Variants in DOCK3 observed in about 807,000 individuals in gnomAD.
DOCK3 encodes dedicator of cytokinesis protein 3.
DOCK3 carries 60 observed loss-of-function variants against 265.6 expected under a neutral mutation model. The observed-to-expected ratio is 0.23, with a 90% CI of 0.18 to 0.28. The LOEUF (loss-of-function observed/expected upper bound fraction) is 0.28, where lower values mean the gene tolerates loss of function less well. Among genes scored for constraint, DOCK3 ranks in the 10% least tolerant of loss-of-function variants. The probability of loss-of-function intolerance (pLI) is 1.00; values close to 1 mark genes in which losing one functional copy is unlikely to be tolerated. For synonymous variants in DOCK3, 881 were observed against 938.0 expected (o/e 0.94, Z 1.11); for missense variants, 1,981 against 2,594.3 (o/e 0.76, Z 5.14).
At chr3:50,845,634 A>C (rs1205985591) in intron 3 of DOCK3, among the ~76,000 whole-genome samples, 1 of 152,218 alleles carries the variant, frequency 6.6e-6, no homozygotes, top group Non-Finnish European at 1.5e-5. Context: ...CTTTGGCAAC[A>C]GGGAATCTGT....
At chr3:51,129,739 T>TC (rs1324759237) in intron 9 of DOCK3, among the ~76,000 whole-genome samples, 10 of 152,274 alleles carry the variant, frequency 6.6e-5, no homozygotes, top group African/African-American at 2.4e-4. Context: ...CCCAAAGGCC[T>TC]CCGCTACGAT....
intron 24 of DOCK3, among the ~76,000 whole-genome samples, chr3:51,274,443 C>T (rs1240839439): frequency 6.6e-6 from 1 of 152,114 alleles, no homozygotes; most frequent in Non-Finnish European, 1.5e-5. Context: ...GGAATTTTCA[C>T]TGTAAACTGT....
chr3:51,118,702 C>T (rs1170922594), intron 9 of DOCK3, among the ~76,000 whole-genome samples: 1 of 152,118 alleles, frequency 6.6e-6, no homozygotes, highest in African/African-American at 2.4e-5. Flanking sequence ...GATCCCTTTA[C>T]CATTATGTAA....
intron 45 of DOCK3, 36 bp from the exon 46 acceptor site, chr3:51,357,923 CAT>C: frequency 6.2e-7 from 1 of 1,613,476 alleles, no homozygotes. Flanking sequence ...AGGGGCTACT[CAT>C]GGTTCACAGA....
chr3:51,048,505 A>G (rs1168564387), intron 5 of DOCK3, among the ~76,000 whole-genome samples: 6 of 152,344 alleles, frequency 3.9e-5, no homozygotes, highest in Admixed American at 3.9e-4. Context: ...CATGAAATTC[A>G]CTGATGTTTA....
chr3:50,898,284 C>A (rs2048990706), intron 4 of DOCK3, among the ~76,000 whole-genome samples: 1 of 152,162 alleles, frequency 6.6e-6, no homozygotes, highest in African/African-American at 2.4e-5. Flanking sequence ...TCATAGTATT[C>A]TCTGATGGTA....
At chr3:51,293,022 A>G (rs920674122) in intron 27 of DOCK3, among the ~76,000 whole-genome samples, 1 of 152,248 alleles carries the variant, frequency 6.6e-6, no homozygotes, top group Non-Finnish European at 1.5e-5. Flanking sequence ...GATTGGAAGG[A>G]TTAATATTGT....
chr3:50,757,274 G>A lies in DOCK3; in HGVS notation c.38-21401G>A, dbSNP rs1189590607. ...CAGCTTCCGCCTCCTGGGTTCAAGCGATTTCTCCTGCCTCAGCCTCCTAAG... is the reference window on the plus strand; with the variant it reads ...CAGCTTCCGCCTCCTGGGTTCAAGCAATTTCTCCTGCCTCAGCCTCCTAAG... On this transcript the variant is annotated intron_variant, in intron 1 of 52. Coordinates refer to ENST00000266037, the MANE Select transcript of DOCK3 (RefSeq NM_004947.5). Among the ~76,000 whole-genome samples, 5 of 144,972 alleles carry A rather than the reference G, an allele frequency of 3.4e-5. No homozygotes were observed. In the Admixed American group the frequency reaches 3.6e-4, roughly 10 times the overall value.
intron 2 of DOCK3, among the ~76,000 whole-genome samples, chr3:50,816,972 G>A (rs1007392793): frequency 1.3e-5 from 2 of 152,084 alleles, no homozygotes; most frequent in South Asian, 2.1e-4. Context: ...CCATAGACTC[G>A]CCCTAAAGTG....
At chr3:50,804,945 T>A (rs2675794) in intron 2 of DOCK3, among the ~76,000 whole-genome samples, 1 of 152,204 alleles carries the variant, frequency 6.6e-6, no homozygotes, top group Admixed American at 6.5e-5. Context: ...TTGAATCATC[T>A]GTCTTCTCTT....
intron 23 of DOCK3, among the ~76,000 whole-genome samples, chr3:51,264,599 G>C (rs1275754678): frequency 6.6e-6 from 1 of 151,822 alleles, no homozygotes; most frequent in African/African-American, 2.4e-5. Flanking sequence ...AGGCTGAGGC[G>C]GGCAGATCAT....
chr3:50,992,851 C>T (rs1016010932), intron 5 of DOCK3, among the ~76,000 whole-genome samples: 5 of 152,178 alleles, frequency 3.3e-5, no homozygotes, highest in African/African-American at 1.2e-4. Flanking sequence ...ATTCCCTGAA[C>T]ACACAAATAA....
chr3:50,893,423 C>T (rs969177921), intron 4 of DOCK3, among the ~76,000 whole-genome samples: 6 of 151,854 alleles, frequency 4.0e-5, no homozygotes, highest in African/African-American at 1.5e-4. Context: ...AGATAGAAAC[C>T]ATAAGAAAGC....
intron 27 of DOCK3, among the ~76,000 whole-genome samples, chr3:51,303,583 G>A (rs924339332): frequency 6.6e-6 from 1 of 150,934 alleles, no homozygotes; most frequent in Admixed American, 6.6e-5. Flanking sequence ...GCTGACCTTT[G>A]GATAGGGTTT....
chr3:50,851,378 C>T (rs551239886), intron 3 of DOCK3, among the ~76,000 whole-genome samples: 16 of 152,048 alleles, frequency 1.1e-4, no homozygotes, highest in East Asian at 1.9e-4. Flanking sequence ...AGGATCTCTG[C>T]GCAGTAAGGG....
intron 12 of DOCK3, among the ~76,000 whole-genome samples, chr3:51,190,522 G>A (rs1331219666): frequency 1.3e-5 from 2 of 152,160 alleles, no homozygotes; most frequent in Admixed American, 1.3e-4. Flanking sequence ...GGTGGTGCAG[G>A]CAATGGTAAT....
chr3:50,959,435 C>T (rs957327917), intron 5 of DOCK3, among the ~76,000 whole-genome samples: 2 of 151,722 alleles, frequency 1.3e-5, no homozygotes, highest in South Asian at 4.2e-4. Flanking sequence ...CATTAGATCT[C>T]TACACTTATT....
intron 6 of DOCK3, among the ~76,000 whole-genome samples, chr3:51,065,287 T>C (rs138682866): frequency 0.013 from 1,905 of 152,264 alleles, 26 homozygotes; most frequent in Non-Finnish European, 0.021. Context: ...AGTGACCAGG[T>C]TGCCTCCTAC....
At chr3:51,091,269 C>T (rs1173409981) in intron 9 of DOCK3, among the ~76,000 whole-genome samples, 4 of 152,158 alleles carry the variant, frequency 2.6e-5, no homozygotes, top group Non-Finnish European at 5.9e-5. Flanking sequence ...TCTTCTTTTC[C>T]TACTATCCAG....
Sources: allele counts gnomAD v4.1 joint callset (sites outside exome capture counted in the v4.1 genomes callset), GRCh38; gene constraint gnomAD v4.1.1; transcripts MANE v1.5; gene names NCBI Gene and HGNC (gene_info 2026-07-23, HGNC 2026-07-21).